Variants in CCDC50 observed in about 807,000 individuals in gnomAD.
The protein encoded by CCDC50 is coiled-coil domain-containing protein 50.
A neutral mutation model predicts 70.2 loss-of-function variants in CCDC50; 54 were observed. The ratio of observed to expected loss-of-function variants is 0.77; its 90% CI spans 0.62 to 0.96. The LOEUF is 0.96. Ranked by LOEUF, CCDC50 falls within the 50% of genes least tolerant of loss-of-function variation. The pLI is 0.00. For synonymous variants in CCDC50, 216 were observed against 198.8 expected (o/e 1.09, Z -0.73); for missense variants, 558 against 578.7 (o/e 0.96, Z 0.37).
Position 191,357,131 on chromosome 3 carries a change from C to A in CCDC50, c.93C>A (p.His31Gln). ...FAVLEDHTLAHSLQEQEIEHH... is the reference protein window; with the variant it reads ...FAVLEDHTLAQSLQEQEIEHH... ...TCCTGGAGGACCACACCCTGGCTCA[C>A]AGCCTGCAGGAACAAGAGAGTGAGT... The change falls in exon 2 of 12, where the codon CAC becomes CAA. Residue 31 changes from histidine (H) to glutamine (Q), a missense_variant. Physicochemically the swap from His to Gln is conservative, Grantham distance 24. Transcript: ENST00000392455. 1 of 1,613,632 alleles carries A rather than the reference C, an allele frequency of 6.2e-7. No homozygotes were observed. The highest frequency in any genetic ancestry group is 1.7e-4 in the Middle Eastern group (1 of 6,060).
chr3:191,341,093 C>G (rs1711713987), intron 1 of CCDC50, among the ~76,000 whole-genome samples: 1 of 151,948 alleles, frequency 6.6e-6, no homozygotes, highest in Admixed American at 6.6e-5. Context: ...GCACTGGGAT[C>G]ATTTCTGCAG....
rs557349220 is a variant in CCDC50, at chr3:191,377,371, T to A, written c.976+1782T>A. The stretch of plus-strand genomic sequence containing the variant: ...TAGCAGGATGACACGGAGCTGGTTC[T>A]AAGAGCATTTGCAGAGCAGCATTAA... On this transcript the variant is annotated intron_variant, in intron 6 of 11. Transcript: ENST00000392455. Among the ~76,000 whole-genome samples, 5 of 152,310 alleles carry A rather than the reference T, an allele frequency of 3.3e-5. No homozygotes were observed. In the East Asian group the frequency reaches 9.6e-4, roughly 29 times the overall value.
intron 4 of CCDC50, among the ~76,000 whole-genome samples, chr3:191,363,075 G>T (rs533974876): frequency 1.0e-4 from 15 of 147,942 alleles, no homozygotes; most frequent in South Asian, 6.4e-4. Context: ...GTCCTGTGGG[G>T]TTTTTTTTTT....
chr3:191,379,550 A>G (rs1241530174), intron 6 of CCDC50, among the ~76,000 whole-genome samples: 1 of 152,114 alleles, frequency 6.6e-6, no homozygotes, highest in Non-Finnish European at 1.5e-5. Context: ...TATTTTCCCT[A>G]AGATGTCACA....
chr3:191,380,632 A>G (rs1713283207), intron 7 of CCDC50, 55 bp from the exon 8 acceptor site: 5 of 1,521,020 alleles, frequency 3.3e-6, no homozygotes, highest in Admixed American at 1.8e-5. Flanking sequence ...GATACTGAAA[A>G]TGCACAACAT....
At chr3:191,364,304 T>A (rs1256549035) in intron 4 of CCDC50, among the ~76,000 whole-genome samples, 1 of 151,902 alleles carries the variant, frequency 6.6e-6, no homozygotes, top group Non-Finnish European at 1.5e-5. Flanking sequence ...CCTGACCTTG[T>A]GATCCGCCCA....
chr3:191,343,091 A>G (rs1409282430), intron 1 of CCDC50, among the ~76,000 whole-genome samples: 1 of 152,114 alleles, frequency 6.6e-6, no homozygotes, highest in Non-Finnish European at 1.5e-5. Flanking sequence ...AGGCCTGTGT[A>G]TACTGAGGGA....
At chr3:191,356,493 A>T (rs1199721162) in intron 1 of CCDC50, among the ~76,000 whole-genome samples, 1 of 152,220 alleles carries the variant, frequency 6.6e-6, no homozygotes, top group Non-Finnish European at 1.5e-5. Context: ...ACCTAGTTCT[A>T]ACTCATGTCC....
At chr3:191,384,102 T>G (rs533195924) in intron 10 of CCDC50, among the ~76,000 whole-genome samples, 2 of 152,214 alleles carry the variant, frequency 1.3e-5, no homozygotes, top group South Asian at 4.1e-4. Context: ...GAAAACAAGT[T>G]TTTGGAATAT....
Position 191,389,578 on chromosome 3 carries a change from T to A in CCDC50, c.1405T>A (p.Ser469Thr), listed in dbSNP as rs1263145672. 3 of 1,613,736 alleles carry A rather than the reference T, an allele frequency of 1.9e-6. No homozygotes were observed. In the South Asian group the frequency reaches 3.3e-5, roughly 18 times the overall value. The change falls in exon 11 of 12, where the codon TCA becomes ACA. Residue 469 changes from serine to threonine, a missense_variant. By Grantham distance (58) the Ser-to-Thr change is moderately conservative. Transcript: ENST00000392455. Reference protein sequence around the residue: ...TNQQSSTRHFSKSESSHKGFH... With the variant: ...TNQQSSTRHFTKSESSHKGFH... ...CCAGCAGAGTTCCACACGGCATTTC[T>A]CAAAATCAGAGTCCTCTCATAAAGG...
intron 5 of CCDC50, chr3:191,370,374 C>A (rs1430809517): frequency 3.4e-6 from 1 of 295,318 alleles, no homozygotes; most frequent in Non-Finnish European, 6.5e-6. Context: ...CTCCCCCCAC[C>A]CCACAACAGG....
chr3:191,385,881 G>A (rs1229350257), intron 10 of CCDC50, among the ~76,000 whole-genome samples: 1 of 152,042 alleles, frequency 6.6e-6, no homozygotes, highest in African/African-American at 2.4e-5. Flanking sequence ...TGAATAAGGT[G>A]TCCTTTCCCT....
rs776496799 is a variant in CCDC50 at position 191,375,564 on chromosome 3, G to A, written c.951G>A (p.Glu317=). 6.2e-6 allele frequency: 10 copies of A among 1,613,240 alleles called. No homozygotes were observed. In the Admixed American group the frequency reaches 1.7e-4, roughly 27 times the overall value. The change falls in exon 6 of 12, where the codon GAG becomes GAA. Residue 317 remains glutamate (E), a synonymous_variant. Transcript: ENST00000392455. ...RPRTPPFSES[E]EQLHLHDAGM... The stretch of plus-strand genomic sequence containing the variant: ...GGACTCCTCCATTCTCAGAGAGTGA[G>A]GAGCAGCTCCACCTCCATGACGCAG...
At chr3:191,390,019 C>T (rs535453589) in intron 11 of CCDC50, among the ~76,000 whole-genome samples, 1 of 137,152 alleles carries the variant, frequency 7.3e-6, no homozygotes, top group African/African-American at 2.5e-5. Context: ...TGCCACCACA[C>T]TTGGCTAATT....
At chr3:191,386,539 A>C (rs1713503695) in intron 10 of CCDC50, among the ~76,000 whole-genome samples, 1 of 152,148 alleles carries the variant, frequency 6.6e-6, no homozygotes, top group African/African-American at 2.4e-5. Flanking sequence ...CAGTTTAATA[A>C]TATAGATTCT....
rs146412843 is a variant in CCDC50, at chr3:191,335,680, G to A, written c.49+5957G>A. Among the ~76,000 whole-genome samples the A allele has an allele frequency of 4.6e-3, 705 of 151,830 alleles. 5 individuals are homozygous for A. Among genetic ancestry groups the A allele is most frequent in the Middle Eastern group, 0.034 (10 of 294 alleles). ...AGTTTTTAGCCTACATTGAGAAAAA[G>A]GAAAAAAAACAAAGCAGTAAAGACT... is the stretch of plus-strand genomic sequence containing the variant. On this transcript the variant is annotated intron_variant, in intron 1 of 11. Transcript: ENST00000392455.
At chr3:191,345,417 G>C (rs1436676884) in intron 1 of CCDC50, among the ~76,000 whole-genome samples, 2 of 152,120 alleles carry the variant, frequency 1.3e-5, no homozygotes, top group African/African-American at 4.8e-5. Flanking sequence ...AGACTGCTCT[G>C]TTTCTACCTT....
At chr3:191,380,649 C>A (rs1713284263) in intron 7 of CCDC50, 38 bp from the exon 8 acceptor site, 1 of 1,584,982 alleles carries the variant, frequency 6.3e-7, no homozygotes, top group East Asian at 2.3e-5. Flanking sequence ...ACATAGATTC[C>A]AATTAAATTC....
At chr3:191,378,474 A>T (rs1213986780) in intron 6 of CCDC50, among the ~76,000 whole-genome samples, 1 of 152,144 alleles carries the variant, frequency 6.6e-6, no homozygotes, top group Non-Finnish European at 1.5e-5. Context: ...ATTTCACTGT[A>T]TGGCAAAAGT....
Sources: gnomAD v4.1 joint callset for allele counts (sites outside exome capture counted in the v4.1 genomes callset) on GRCh38, gnomAD v4.1.1 for gene constraint, MANE v1.5 for transcripts, NCBI Gene and HGNC (gene_info 2026-07-23, HGNC 2026-07-21) for gene names.